Variants in CCNY observed in about 807,000 individuals in gnomAD.
CCNY encodes cyclin-Y.
CCNY carries 19 observed loss-of-function variants against 42.8 expected under a neutral mutation model. The observed-to-expected ratio is 0.44, with a 90% CI of 0.31 to 0.65. The LOEUF is 0.65. CCNY is among the 30% of genes least tolerant of loss of function. The pLI is 0.07. For synonymous variants in CCNY, 165 were observed against 162.7 expected (o/e 1.01, Z -0.11); for missense variants, 370 against 437.3 (o/e 0.85, Z 1.37).
chr10:35,343,380 G>GTTTTTTT (rs1235044377), intron 1 of CCNY, among the ~76,000 whole-genome samples: 1 of 111,586 alleles, frequency 9.0e-6, no homozygotes, highest in African/African-American at 3.8e-5. Flanking sequence ...AAAGCTGATG[G>GTTTTTTT]TCTTTTTTTT....
rs1431012182 is a variant in CCNY at position 35,511,739 on chromosome 10, A to C, written c.265-4784A>C. 2.0e-5 allele frequency among the ~76,000 whole-genome samples: 3 copies of C among 152,216 alleles called. No individual in the cohort carries two copies. In the East Asian group the frequency reaches 5.8e-4, roughly 29 times the overall value. ...GAATACACGTAAAGTAACCCAGAAC[A>C]CTGTGGGTTCATCTTTGATGGCCAT... On this transcript the variant is annotated intron_variant, in intron 3 of 9. Coordinates refer to ENST00000374704, the MANE Select transcript of CCNY (RefSeq NM_145012.6).
chr10:35,273,383 T>G (rs549384817), intron 3 of CCNY, among the ~76,000 whole-genome samples: 1 of 152,056 alleles, frequency 6.6e-6, no homozygotes, highest in Non-Finnish European at 1.5e-5. Context: ...TTTTGTATTT[T>G]TAGTAGAGAT....
At chr10:35,401,429 A>G (rs1421053650) in intron 1 of CCNY, among the ~76,000 whole-genome samples, 1 of 152,230 alleles carries the variant, frequency 6.6e-6, no homozygotes, top group Non-Finnish European at 1.5e-5. Flanking sequence ...ATTATCTGCC[A>G]GTTTCCTTCT....
chr10:35,337,259 A>G (rs1188448109), intron 1 of CCNY, 52 bp downstream of exon 1: 2 of 1,425,614 alleles, frequency 1.4e-6, no homozygotes, highest in Non-Finnish European at 1.9e-6. Context: ...ACAGTCGCAC[A>G]GCCAACGTCG....
At chr10:35,561,449 G>A (rs1463637948) in intron 8 of CCNY, among the ~76,000 whole-genome samples, 3 of 152,162 alleles carry the variant, frequency 2.0e-5, no homozygotes, top group Admixed American at 6.5e-5. Flanking sequence ...TACTGTACGC[G>A]TTGTTTTAAA....
At chr10:35,325,756 C>T (rs974133883) in intron 3 of CCNY, among the ~76,000 whole-genome samples, 2 of 152,176 alleles carry the variant, frequency 1.3e-5, no homozygotes, top group African/African-American at 4.8e-5. Flanking sequence ...AGGGTTGAGT[C>T]ACTGCGCTTG....
chr10:35,409,712 G>A (rs896895396), intron 1 of CCNY, among the ~76,000 whole-genome samples: 1 of 152,160 alleles, frequency 6.6e-6, no homozygotes, highest in Non-Finnish European at 1.5e-5. Context: ...AAGTAAAAAT[G>A]TAAAGATTTC....
chr10:35,258,429 AG>A (rs1589002711), intron 3 of CCNY, among the ~76,000 whole-genome samples: 1 of 152,210 alleles, frequency 6.6e-6, no homozygotes, highest in African/African-American at 2.4e-5. Flanking sequence ...GGGGAAAGAA[AG>A]AAAAAATGAA....
Position 35,437,656 on chromosome 10 carries a change from T to G in CCNY, c.155-45748T>G, listed in dbSNP as rs531094339. Among the ~76,000 whole-genome samples, 188 of 151,940 alleles carry G rather than the reference T, an allele frequency of 1.2e-3. 2 individuals carry two copies. In the Middle Eastern group the frequency reaches 0.031, roughly 25 times the overall value. ...TAGCCTGGGCGACAGAGCCAGACTC[T>G]GTCTCAAAAAAAAAACCAAAAAACA... On this transcript the variant is annotated intron_variant, in intron 1 of 9. Transcript: ENST00000374704.
intron 3 of CCNY, among the ~76,000 whole-genome samples, chr10:35,287,731 T>G (rs1413930695): frequency 6.6e-6 from 1 of 152,222 alleles, no homozygotes; most frequent in African/African-American, 2.4e-5. Context: ...TTTGATTGTC[T>G]TTTCACTTGT....
In CCNY at chr10:35,458,951, T is replaced by G. The variant is rs539355059; in HGVS notation, c.155-24453T>G. On this transcript the variant is annotated intron_variant, in intron 1 of 9. Coordinates refer to ENST00000374704, the MANE Select transcript of CCNY (RefSeq NM_145012.6). ...AATGGAAGGGAGAGTGAGGGGCAGA[T>G]AGGGAGGCAGGGGACAGAAAGACCA... Among the ~76,000 whole-genome samples, 71 of 151,984 alleles carry G rather than the reference T, an allele frequency of 4.7e-4. 1 individual carries two copies. The highest frequency in any genetic ancestry group is 9.4e-4 in the Non-Finnish European group (64 of 67,996).
intron 3 of CCNY, among the ~76,000 whole-genome samples, chr10:35,309,552 C>G (rs1589028890): frequency 6.6e-6 from 1 of 152,234 alleles, no homozygotes; most frequent in South Asian, 2.1e-4. Flanking sequence ...TCCCAAGTAG[C>G]TGGGACTGCA....
At chr10:35,310,455 G>A (rs1835669950) in intron 3 of CCNY, among the ~76,000 whole-genome samples, 1 of 152,212 alleles carries the variant, frequency 6.6e-6, no homozygotes, top group Admixed American at 6.5e-5. Context: ...ATCAAAGGTA[G>A]TTTTGATTTG....
intron 1 of CCNY, among the ~76,000 whole-genome samples, chr10:35,389,548 T>C (rs1028448525): frequency 3.3e-5 from 5 of 151,900 alleles, no homozygotes; most frequent in African/African-American, 1.2e-4. Context: ...CAAGCAGTTC[T>C]TTTGCCTCAG....
At chr10:35,403,012 A>G (rs939625928) in intron 1 of CCNY, among the ~76,000 whole-genome samples, 2 of 151,132 alleles carry the variant, frequency 1.3e-5, no homozygotes. Context: ...ATCTAGTGAA[A>G]GTGTCTACCC....
In CCNY at chr10:35,482,749, G is replaced by GGTT. The variant is rs1554793732; in HGVS notation, c.155-653_155-652insTGT. Among the ~76,000 whole-genome samples the GGTT allele has an allele frequency of 3.1e-4, 40 of 128,942 alleles. No individual in the cohort carries two copies. In the South Asian group the frequency reaches 0.011, roughly 36 times the overall value. The allele number at this position is 128,942 out of a possible 152,430, so 84.6% of individuals were successfully genotyped here. On this transcript the variant is annotated intron_variant, in intron 1 of 9. Transcript: ENST00000374704. ...GATTTCTCAAGGGAAGCTGGAAATA[G>GGTT]GTGTGTGTGTGTGTGTGTGTGTGTG... is the stretch of plus-strand genomic sequence containing the variant.
intron 3 of CCNY, among the ~76,000 whole-genome samples, chr10:35,313,831 C>T (rs1029086644): frequency 5.3e-5 from 8 of 151,804 alleles, no homozygotes; most frequent in African/African-American, 1.7e-4. Context: ...AAAAAACTAG[C>T]CTGGCGTGGT....
At chr10:35,398,128 A>G (rs1188768006) in intron 1 of CCNY, among the ~76,000 whole-genome samples, 1 of 152,138 alleles carries the variant, frequency 6.6e-6, no homozygotes, top group Non-Finnish European at 1.5e-5. Flanking sequence ...AAGCCATATG[A>G]TCAAGGAGCA....
chr10:35,490,475 G>C (rs1355461374), intron 2 of CCNY, among the ~76,000 whole-genome samples: 1 of 152,210 alleles, frequency 6.6e-6, no homozygotes, highest in Non-Finnish European at 1.5e-5. Flanking sequence ...GCGCAGGGGA[G>C]TGCACACCTA....
Sources: allele counts gnomAD v4.1 joint callset (sites outside exome capture counted in the v4.1 genomes callset), GRCh38; gene constraint gnomAD v4.1.1; transcripts MANE v1.5; gene names NCBI Gene and HGNC (gene_info 2026-07-23, HGNC 2026-07-21).